The following WDR45B variants were observed in gnomAD, a reference collection of about 807,000 sequenced individuals.
WDR45B encodes WD repeat domain phosphoinositide-interacting protein 3.
Under a neutral mutation model 44.6 loss-of-function variants are expected in WDR45B, and 20 were observed. The observed-to-expected ratio is 0.45, with a 90% CI of 0.32 to 0.65. WDR45B has a LOEUF of 0.65. WDR45B is among the 30% of genes least tolerant of loss of function. WDR45B has a pLI of 0.05. For synonymous variants in WDR45B, 169 were observed against 164.9 expected, an observed-to-expected ratio of 1.02 and a Z score of -0.19; for missense variants, 323 against 430.2, an observed-to-expected ratio of 0.75 and a Z score of 2.20.
chr17:82,618,497 C>G (rs891272054), intron 7 of WDR45B, among the ~76,000 whole-genome samples: 1 of 152,122 alleles, frequency 6.6e-6, no homozygotes, highest in African/African-American at 2.4e-5. Context: ...ATGAAACTGG[C>G]AAAAACACCA....
chr17:82,647,997 C>G (rs1163829564), intron 1 of WDR45B, among the ~76,000 whole-genome samples: 1 of 134,030 alleles, frequency 7.5e-6, no homozygotes, highest in South Asian at 3.3e-4. Context: ...GACCTCGGCC[C>G]GGGACGGCCG....
At position 82,636,260 on chromosome 17, in the gene WDR45B, CAAAAAAAAA is replaced by C. The variant is rs71168123; in HGVS notation, c.143-5247_143-5239del. 2.6e-3 allele frequency among the ~76,000 whole-genome samples: 277 copies of C among 104,592 alleles called. 5 individuals carry two copies. Among genetic ancestry groups the C allele is most frequent in the African/African-American group, 0.01 (271 of 26,678 alleles). The allele number at this position is 104,592 out of a possible 152,430, so 68.6% of individuals were successfully genotyped here. On this transcript the variant is annotated intron_variant, in intron 2 of 9. Transcript: ENST00000392325. ...TGGGTGACAGAGCAAGACTCCGTCTCAAAAAAAAAAAAAAAAAAAGAAGACAAACACAGT... is the reference window on the plus strand; with the variant it reads ...TGGGTGACAGAGCAAGACTCCGTCTCAAAAAAAAAAGAAGACAAACACAGT...
At chr17:82,636,681 G>A (rs1229324181) in intron 2 of WDR45B, 1 of 151,898 alleles carries the variant, frequency 6.6e-6, no homozygotes, top group African/African-American at 2.4e-5. Flanking sequence ...CTCTTCAAAG[G>A]GTTTATTTAG....
intron 3 of WDR45B, among the ~76,000 whole-genome samples, chr17:82,627,957 C>T (rs2045720380): frequency 6.6e-6 from 1 of 152,244 alleles, no homozygotes; most frequent in African/African-American, 2.4e-5. Context: ...CAACAAGTTC[C>T]TCACTCCACT....
intron 2 of WDR45B, among the ~76,000 whole-genome samples, chr17:82,638,634 CA>C (rs1312677416): frequency 6.6e-6 from 1 of 151,946 alleles, no homozygotes; most frequent in Non-Finnish European, 1.5e-5. Context: ...GAAAATCAAC[CA>C]TTCTAGCACT....
chr17:82,645,640 G>A (rs969619178), intron 1 of WDR45B, among the ~76,000 whole-genome samples: 3 of 152,018 alleles, frequency 2.0e-5, no homozygotes, highest in Admixed American at 6.6e-5. Context: ...CTACTCCTAG[G>A]TATATAGAAG....
At chr17:82,624,914 G>C (rs908850258) in intron 5 of WDR45B, among the ~76,000 whole-genome samples, 1 of 152,094 alleles carries the variant, frequency 6.6e-6, no homozygotes, top group Non-Finnish European at 1.5e-5. Context: ...CACCGCGCCC[G>C]GCCACAAATG....
chr17:82,617,980 G>C (rs1019503227), intron 7 of WDR45B, among the ~76,000 whole-genome samples: 1 of 151,366 alleles, frequency 6.6e-6, no homozygotes, highest in African/African-American at 2.4e-5. Flanking sequence ...CCAGGATAGA[G>C]CGCAGTAGCA....
chr17:82,640,571 G>A (rs904403456), intron 2 of WDR45B, among the ~76,000 whole-genome samples: 8 of 152,048 alleles, frequency 5.3e-5, no homozygotes, highest in African/African-American at 7.3e-5. Flanking sequence ...GGATGGTTTC[G>A]ATCTCCTGAC....
At chr17:82,642,471 A>G (rs2045930102) in intron 2 of WDR45B, among the ~76,000 whole-genome samples, 1 of 152,216 alleles carries the variant, frequency 6.6e-6, no homozygotes, top group Admixed American at 6.5e-5. Context: ...GCTGCTTTAT[A>G]ATAAACTGGT....
chr17:82,641,582 T>C (rs2045916354), intron 2 of WDR45B, among the ~76,000 whole-genome samples: 1 of 152,132 alleles, frequency 6.6e-6, no homozygotes, highest in South Asian at 2.1e-4. Context: ...GCAATGCAGA[T>C]ACTATGAAGC....
chr17:82,634,150 C>CAAAAAAAAAAAAAAAAAAAAAAAAAA (rs36183298), intron 2 of WDR45B, among the ~76,000 whole-genome samples: 2 of 31,908 alleles, frequency 6.3e-5, no homozygotes, highest in African/African-American at 1.2e-4. Context: ...GACTCCATCT[C>CAAAAAAAAAAAAAAAAAAAAAAAAAA]AAAAAAAAAA....
At chr17:82,619,567 A>T (rs2045586181) in intron 6 of WDR45B, among the ~76,000 whole-genome samples, 1 of 151,782 alleles carries the variant, frequency 6.6e-6, no homozygotes, top group Non-Finnish European at 1.5e-5. Context: ...GAGGCAAAAA[A>T]AAAAAAATAA....
chr17:82,629,890 T>A, intron 3 of WDR45B: 2 of 985,302 alleles, frequency 2.0e-6, no homozygotes, highest in Non-Finnish European at 2.4e-6. Context: ...CCATTTGGCA[T>A]GCGGCGCCCC....
Position 82,641,907 on chromosome 17 carries a change from T to A in WDR45B, c.142+2042A>T, listed in dbSNP as rs138355414. On this transcript the variant is annotated intron_variant, in intron 2 of 9. Coordinates refer to ENST00000392325, the MANE Select transcript of WDR45B (RefSeq NM_019613.4). ...AGCGAGACAACGTCAGAGATAGATA[T>A]GTATATATCTCCAAGAGGTATTTTC... 2.0e-5 allele frequency among the ~76,000 whole-genome samples: 3 copies of A among 151,084 alleles called. No homozygotes were observed. The South Asian group carries it at 6.3e-4, about 32-fold the overall frequency.
Position 82,631,001 on chromosome 17 carries a change from C to T in WDR45B, c.164G>A (p.Gly55Asp). Residue 55 changes from glycine to aspartate, a missense_variant, in exon 3 of 10, where the codon GGC (glycine) becomes GAC (aspartate). Gly to Asp is a moderately conservative substitution (Grantham distance 94). Coordinates refer to ENST00000392325, the MANE Select transcript of WDR45B (RefSeq NM_019613.4). ...GCAGCGAAATAACATTTCAACATGG[C>T]CAACTCCTCCTTCTAGAAATTCTGA... is the stretch of plus-strand genomic sequence containing the variant. Reference protein sequence around the residue: ...EKQEFLEGGVGHVEMLFRCNY... With the variant: ...EKQEFLEGGVDHVEMLFRCNY... The T allele has an allele frequency of 6.2e-7, 1 of 1,613,898 alleles. No individual in the cohort carries two copies. Among genetic ancestry groups the T allele is most frequent in the Middle Eastern group, 1.7e-4 (1 of 5,952 alleles).
At position 82,625,604 on chromosome 17, in the gene WDR45B, T is replaced by C. The variant is rs1333426187; in HGVS notation, c.333-121A>G. 3.2e-5 allele frequency: 34 copies of C among 1,048,106 alleles called. No homozygotes were observed. In the East Asian group the frequency reaches 8.3e-4, roughly 25 times the overall value. 64.9% of individuals were successfully genotyped at this position (1,048,106 alleles called of 1,614,324 possible). Reference sequence around the variant, plus strand: ...GAAAATACCACACAGAAAAGGAGTGTTCCTGAAGAAAAAGCTCTGGAGGCA... The same window carrying C: ...GAAAATACCACACAGAAAAGGAGTGCTCCTGAAGAAAAAGCTCTGGAGGCA... On this transcript the variant is annotated intron_variant, in intron 4 of 9. Transcript: ENST00000392325.
chr17:82,629,585 T>G lies in WDR45B; in HGVS notation c.244+1336A>C, dbSNP rs535416535. On this transcript the variant is annotated intron_variant, in intron 3 of 9. Coordinates refer to ENST00000392325, the MANE Select transcript of WDR45B (RefSeq NM_019613.4). ...CAAGATCTCAAGCCCTGTCTTCCAC[T>G]GTTTTTCCTACCGATAATCTCTTCC... 1.5e-3 allele frequency: 1,484 copies of G among 985,492 alleles called. 1 individual carries two copies. Among genetic ancestry groups the G allele is most frequent in the Non-Finnish European group, 1.7e-3 (1,416 of 829,960 alleles). The allele number at this position is 985,492 out of a possible 1,614,324, so 61.0% of individuals were successfully genotyped here. A position where few individuals can be genotyped will look rare whatever the true frequency, so the allele number is the denominator to read the frequency against.
rs753611977 is a variant in WDR45B at position 82,627,304 on chromosome 17, A to G, written c.245-13T>C. The G allele has an allele frequency of 6.3e-7, 1 of 1,599,350 alleles. No homozygotes were observed. Among genetic ancestry groups the G allele is most frequent in the Non-Finnish European group, 8.6e-7 (1 of 1,169,260 alleles). Reference sequence around the variant, plus strand: ...TCCCAGATCATTACTGAAATATCAGAAAGAAAAGATGAATGCAGTCATCAG... The same window carrying G: ...TCCCAGATCATTACTGAAATATCAGGAAGAAAAGATGAATGCAGTCATCAG... On this transcript the variant is annotated splice_polypyrimidine_tract_variant and intron_variant, in intron 3 of 9. Transcript: ENST00000392325.
Sources: allele counts gnomAD v4.1 joint callset (sites outside exome capture counted in the v4.1 genomes callset), GRCh38; gene constraint gnomAD v4.1.1; transcripts MANE v1.5; gene names NCBI Gene and HGNC (gene_info 2026-07-23, HGNC 2026-07-21).